PARD3B: variants seen among roughly 807,000 people sequenced by gnomAD.
The protein encoded by PARD3B is partitioning defective 3 homolog B.
PARD3B carries 103 observed loss-of-function variants against 130.2 expected under a neutral mutation model. That is an observed-to-expected ratio of 0.79 (90% CI 0.67 to 0.93). The LOEUF (loss-of-function observed/expected upper bound fraction) is 0.93. Among genes scored for constraint, PARD3B ranks in the 40% least tolerant of loss-of-function variants. The pLI, the probability that PARD3B is intolerant of heterozygous loss-of-function variation, is 0.00. For synonymous variants in PARD3B, 583 were observed against 553.2 expected (o/e 1.05, Z -0.76); for missense variants, 1,609 against 1,499.2 (o/e 1.07, Z -1.21).
At chr2:204,641,954 AT>A (rs1489583955) in intron 1 of PARD3B, among the ~76,000 whole-genome samples, 1 of 152,196 alleles carries the variant, frequency 6.6e-6, no homozygotes, top group Non-Finnish European at 1.5e-5. Flanking sequence ...GCCTTATGTT[AT>A]TCTATTTAGA....
chr2:204,965,126 A>G (rs759596833), intron 2 of PARD3B, 26 bp from the exon 3 acceptor site: 6 of 1,608,076 alleles, frequency 3.7e-6, no homozygotes, highest in South Asian at 3.3e-5. Flanking sequence ...CTACAAAGTA[A>G]TTAGTGTTGT....
chr2:205,310,896 G>GT (rs2042364505), intron 18 of PARD3B, among the ~76,000 whole-genome samples: 1 of 151,524 alleles, frequency 6.6e-6, no homozygotes, highest in African/African-American at 2.4e-5. Context: ...GCTAATTTTT[G>GT]TATTTTTAGT....
At chr2:205,198,551 G>A (rs2036818732) in intron 15 of PARD3B, among the ~76,000 whole-genome samples, 1 of 152,060 alleles carries the variant, frequency 6.6e-6, no homozygotes, top group Non-Finnish European at 1.5e-5. Flanking sequence ...ACCCACAATT[G>A]AAGTAATTTA....
chr2:205,410,613 A>G (rs1346738915), intron 19 of PARD3B, among the ~76,000 whole-genome samples: 1 of 152,164 alleles, frequency 6.6e-6, no homozygotes, highest in African/African-American at 2.4e-5. Context: ...TGAACCCAGA[A>G]TATTTTCTGT....
chr2:205,595,920 T>C (rs1342332389), intron 22 of PARD3B, among the ~76,000 whole-genome samples: 1 of 143,206 alleles, frequency 7.0e-6, no homozygotes, highest in Non-Finnish European at 1.6e-5. Flanking sequence ...ACAAGAACAT[T>C]TGAGACAAAA....
intron 15 of PARD3B, 59 bp from the exon 16 acceptor site, chr2:205,245,718 TA>T (rs2039542744): frequency 7.4e-7 from 1 of 1,352,736 alleles, no homozygotes; most frequent in Non-Finnish European, 1.0e-6. Context: ...ATTTACTGTT[TA>T]AAAATTGTCT....
intron 3 of PARD3B, among the ~76,000 whole-genome samples, chr2:204,996,858 C>T (rs1694248687): frequency 6.8e-6 from 1 of 147,968 alleles, no homozygotes; most frequent in Non-Finnish European, 1.5e-5. Flanking sequence ...GTGCGTCCGT[C>T]ACCCCTTTCT....
At chr2:204,697,838 G>A (rs2037689714) in intron 2 of PARD3B, among the ~76,000 whole-genome samples, 1 of 152,008 alleles carries the variant, frequency 6.6e-6, no homozygotes. Flanking sequence ...CTAATATTTG[G>A]TTCCCTGTGA....
intron 2 of PARD3B, among the ~76,000 whole-genome samples, chr2:204,837,770 C>T (rs1366230911): frequency 4.6e-5 from 7 of 152,096 alleles, no homozygotes; most frequent in Non-Finnish European, 1.0e-4. Flanking sequence ...ACCTGATTTC[C>T]GCCTCTCTGT....
At chr2:204,950,802 C>G (rs1161104094) in intron 2 of PARD3B, among the ~76,000 whole-genome samples, 1 of 152,100 alleles carries the variant, frequency 6.6e-6, no homozygotes, top group Non-Finnish European at 1.5e-5. Context: ...CAGAAGATAT[C>G]TCATAGGCGC....
intron 18 of PARD3B, among the ~76,000 whole-genome samples, chr2:205,338,110 A>G (rs904273377): frequency 1.3e-5 from 2 of 149,620 alleles, no homozygotes; most frequent in South Asian, 4.3e-4. Context: ...CTGAGATTGC[A>G]ACAGTGCTCT....
chr2:204,716,603 A>G (rs1375019892), intron 2 of PARD3B, among the ~76,000 whole-genome samples: 2 of 144,166 alleles, frequency 1.4e-5, no homozygotes, highest in African/African-American at 5.0e-5. Flanking sequence ...TATTAAAAGT[A>G]ATGGCAAAAA....
chr2:205,070,104 C>T (rs1205854761), intron 4 of PARD3B, among the ~76,000 whole-genome samples: 1 of 152,094 alleles, frequency 6.6e-6, no homozygotes, highest in African/African-American at 2.4e-5. Flanking sequence ...CAAGCCTGTT[C>T]CTTAACCCAT....
chr2:204,933,147 G>A (rs1277671307), intron 2 of PARD3B, among the ~76,000 whole-genome samples: 6 of 152,120 alleles, frequency 3.9e-5, no homozygotes, highest in Non-Finnish European at 7.4e-5. Context: ...TGTTTTCATC[G>A]TTAGAATTAA....
At chr2:205,464,490 A>C (rs923158160) in intron 20 of PARD3B, among the ~76,000 whole-genome samples, 1 of 152,108 alleles carries the variant, frequency 6.6e-6, no homozygotes, top group Non-Finnish European at 1.5e-5. Flanking sequence ...AGCCACAGTT[A>C]AGCACAGCTA....
intron 15 of PARD3B, among the ~76,000 whole-genome samples, chr2:205,232,423 A>G (rs2038885245): frequency 6.6e-6 from 1 of 152,222 alleles, no homozygotes; most frequent in Admixed American, 6.5e-5. Flanking sequence ...TAGCAGAGCC[A>G]GATCTTATCT....
At chr2:204,646,506 T>C (rs1338348921) in intron 1 of PARD3B, among the ~76,000 whole-genome samples, 1 of 152,068 alleles carries the variant, frequency 6.6e-6, no homozygotes, top group Non-Finnish European at 1.5e-5. Context: ...TATTAATATA[T>C]TAAACGTGAA....
At chr2:205,169,839 T>C (rs1197111420) in intron 11 of PARD3B, among the ~76,000 whole-genome samples, 1 of 152,146 alleles carries the variant, frequency 6.6e-6, no homozygotes, top group Non-Finnish European at 1.5e-5. Context: ...GGTTCTCCTT[T>C]CTTATATGAC....
intron 1 of PARD3B, among the ~76,000 whole-genome samples, chr2:204,586,406 A>G (rs1243738489): frequency 6.6e-6 from 1 of 152,196 alleles, no homozygotes; most frequent in African/African-American, 2.4e-5. Flanking sequence ...TGTGAGAGTA[A>G]TTAAAGAGTA....
Sources: allele counts gnomAD v4.1 joint callset (sites outside exome capture counted in the v4.1 genomes callset), GRCh38; gene constraint gnomAD v4.1.1; transcripts MANE v1.5; gene names NCBI Gene and HGNC (gene_info 2026-07-23, HGNC 2026-07-21).